Variants in FHIP1A observed in about 807,000 individuals in gnomAD.
The protein encoded by FHIP1A is FHF complex subunit HOOK-interacting protein 1A.
Under a neutral mutation model 88.6 loss-of-function variants are expected in FHIP1A, and 61 were observed. That is an observed-to-expected ratio of 0.69 (90% CI 0.56 to 0.85). The LOEUF (loss-of-function observed/expected upper bound fraction) is 0.85. Among genes scored for constraint, FHIP1A ranks in the 40% least tolerant of loss-of-function variants. The pLI is 0.00. For synonymous variants in FHIP1A, 478 were observed against 496.0 expected, an observed-to-expected ratio of 0.96 and a Z score of 0.48; for missense variants, 1,154 against 1,273.5, an observed-to-expected ratio of 0.91 and a Z score of 1.43.
chr4:151,649,951 A>G lies in FHIP1A; in HGVS notation c.1910A>G (p.Asp637Gly), dbSNP rs751678506. 15 of 1,551,334 alleles carry G rather than the reference A, an allele frequency of 9.7e-6. No individual in the cohort carries two copies. Among genetic ancestry groups the G allele is most frequent in the Non-Finnish European group, 1.3e-5 (15 of 1,146,950 alleles). ...LFKGSYIEES[D>G]FQDDVMVYRL... ...AAAGGGTCCTACATAGAAGAGTCGG[A>G]CTTTCAGGATGATGTGATGGTGTAC... The change falls in exon 11 of 14, where the codon GAC becomes GGC. Residue 637 changes from aspartate (D) to glycine (G), a missense_variant. Physicochemically the swap from Asp to Gly is moderately conservative, Grantham distance 94 (BLOSUM62 -1). Coordinates refer to ENST00000435205, the MANE Select transcript of FHIP1A (RefSeq NM_001109977.3).
intron 2 of FHIP1A, among the ~76,000 whole-genome samples, chr4:151,468,374 A>G (rs1270490506): frequency 6.6e-6 from 1 of 150,712 alleles, no homozygotes; most frequent in African/African-American, 2.4e-5. Context: ...AGCAATTTGT[A>G]TTTAATAAAC....
At chr4:151,642,438 G>A (rs1736621433) in intron 9 of FHIP1A, among the ~76,000 whole-genome samples, 1 of 151,600 alleles carries the variant, frequency 6.6e-6, no homozygotes, top group Non-Finnish European at 1.5e-5. Flanking sequence ...TAGGAGCTAG[G>A]GGTTTGGAGG....
At chr4:151,526,155 C>T (rs1010682085) in intron 3 of FHIP1A, among the ~76,000 whole-genome samples, 2 of 152,228 alleles carry the variant, frequency 1.3e-5, no homozygotes, top group Admixed American at 1.3e-4. Context: ...CCATGTCTAC[C>T]TCTTTCCACA....
chr4:151,467,380 T>C (rs1729356698), intron 2 of FHIP1A, among the ~76,000 whole-genome samples: 1 of 152,166 alleles, frequency 6.6e-6, no homozygotes, highest in African/African-American at 2.4e-5. Flanking sequence ...TCGATGGGAA[T>C]GCAAATTAGT....
At chr4:151,495,894 A>G (rs1433162459) in intron 3 of FHIP1A, among the ~76,000 whole-genome samples, 3 of 152,116 alleles carry the variant, frequency 2.0e-5, no homozygotes, top group African/African-American at 7.2e-5. Flanking sequence ...AAGTGCTGAG[A>G]TTACAGGCAT....
chr4:151,541,834 C>T (rs548982889), intron 3 of FHIP1A, among the ~76,000 whole-genome samples: 95 of 152,312 alleles, frequency 6.2e-4, no homozygotes, highest in Non-Finnish European at 1.1e-3. Flanking sequence ...AATAGATGTT[C>T]ATGCTCCATG....
At chr4:151,553,431 C>T (rs921606361) in intron 3 of FHIP1A, among the ~76,000 whole-genome samples, 1 of 152,128 alleles carries the variant, frequency 6.6e-6, no homozygotes, top group Non-Finnish European at 1.5e-5. Context: ...GGTGATTTAT[C>T]TCTCAATACA....
At position 151,516,779 on chromosome 4, in the gene FHIP1A, A is replaced by G. The variant is rs376845608; in HGVS notation, c.-123+34131A>G. Among the ~76,000 whole-genome samples the G allele has an allele frequency of 5.2e-3, 785 of 151,706 alleles. 10 individuals are homozygous for G. The highest frequency in any genetic ancestry group is 0.017 in the African/African-American group (699 of 41,340). On this transcript the variant is annotated intron_variant, in intron 3 of 13. Transcript: ENST00000435205. ...ACCATCTCACACCAGTTAGAATGGC[A>G]ATCATTCAAAAGTCAGGAAACAACA...
At chr4:151,439,627 C>T (rs1210426346) in intron 1 of FHIP1A, among the ~76,000 whole-genome samples, 1 of 152,114 alleles carries the variant, frequency 6.6e-6, no homozygotes, top group East Asian at 1.9e-4. Flanking sequence ...TCTAAGTTGA[C>T]ATCTGTAAGA....
At chr4:151,456,363 A>G (rs1023950692) in intron 2 of FHIP1A, among the ~76,000 whole-genome samples, 33 of 152,200 alleles carry the variant, frequency 2.2e-4, no homozygotes, top group African/African-American at 7.5e-4. Context: ...GGTGGTGGAA[A>G]GGACTAAGGA....
At chr4:151,621,323 A>G (rs1220783336) in intron 7 of FHIP1A, among the ~76,000 whole-genome samples, 3 of 152,052 alleles carry the variant, frequency 2.0e-5, no homozygotes, top group Non-Finnish European at 4.4e-5. Context: ...AATAACTGCA[A>G]TTATTGAATT....
intron 7 of FHIP1A, among the ~76,000 whole-genome samples, chr4:151,604,008 C>A (rs1734973921): frequency 6.6e-6 from 1 of 152,212 alleles, no homozygotes; most frequent in Non-Finnish European, 1.5e-5. Flanking sequence ...AGTGGCTCCA[C>A]TTCCTACAAT....
At chr4:151,458,756 T>C (rs1244498330) in intron 2 of FHIP1A, among the ~76,000 whole-genome samples, 2 of 151,948 alleles carry the variant, frequency 1.3e-5, no homozygotes, top group Non-Finnish European at 2.9e-5. Context: ...CTGAATGGGG[T>C]TTTAGTCTGG....
At chr4:151,579,028 C>T (rs565869344) in intron 5 of FHIP1A, among the ~76,000 whole-genome samples, 3 of 152,188 alleles carry the variant, frequency 2.0e-5, no homozygotes, top group Non-Finnish European at 2.9e-5. Flanking sequence ...TCCAACTATA[C>T]GACATTCTGG....
intron 3 of FHIP1A, among the ~76,000 whole-genome samples, chr4:151,549,045 C>G (rs1471063981): frequency 1.3e-5 from 2 of 152,112 alleles, no homozygotes; most frequent in African/African-American, 2.4e-5. Flanking sequence ...TTGGACTGCA[C>G]AGTCTAAACT....
chr4:151,604,120 C>T (rs1287400584), intron 7 of FHIP1A, among the ~76,000 whole-genome samples: 4 of 152,058 alleles, frequency 2.6e-5, no homozygotes, highest in Non-Finnish European at 5.9e-5. Context: ...CTGCTTGGAA[C>T]ATTCTCTTCC....
chr4:151,498,552 AC>A (rs1730542105), intron 3 of FHIP1A, among the ~76,000 whole-genome samples: 2 of 152,160 alleles, frequency 1.3e-5, no homozygotes, highest in African/African-American at 4.8e-5. Flanking sequence ...ACAGTGTCTC[AC>A]GCCTGTAATC....
chr4:151,625,422 AC>A (rs1735915992), intron 7 of FHIP1A, among the ~76,000 whole-genome samples: 2 of 152,216 alleles, frequency 1.3e-5, no homozygotes, highest in Admixed American at 6.5e-5. Flanking sequence ...TCACAAAAAA[AC>A]AATTAGCAGC....
chr4:151,574,717 A>G (rs963237671), intron 4 of FHIP1A, among the ~76,000 whole-genome samples: 20 of 152,248 alleles, frequency 1.3e-4, no homozygotes, highest in Middle Eastern at 3.4e-3. Flanking sequence ...GGAATAACTA[A>G]TTAACCTTAA....
Sources: gnomAD v4.1 joint callset for allele counts (sites outside exome capture counted in the v4.1 genomes callset) on GRCh38, gnomAD v4.1.1 for gene constraint, MANE v1.5 for transcripts, NCBI Gene and HGNC (gene_info 2026-07-23, HGNC 2026-07-21) for gene names.